ABTB3: variants seen among roughly 807,000 people sequenced by gnomAD.
ABTB3 encodes ankyrin repeat- and BTB/POZ domain-containing protein 3.
the ABTB3 span, among the ~76,000 whole-genome samples, chr12:107,424,949 C>T: frequency 2.6e-5 from 4 of 152,196 alleles, no homozygotes; most frequent in Non-Finnish European, 4.4e-5. Flanking sequence ...CTGCCTTGGC[C>T]CTGTCCCTCC....
At chr12:107,627,283 T>G in the ABTB3 span, among the ~76,000 whole-genome samples, 1 of 152,176 alleles carries the variant, frequency 6.6e-6, no homozygotes, top group Non-Finnish European at 1.5e-5. Flanking sequence ...TGGCCTCCTT[T>G]TTCTCTATGG....
At chr12:107,319,159 G>C in the ABTB3 span, 1 of 1,601,492 alleles carries the variant, frequency 6.2e-7, no homozygotes, top group Non-Finnish European at 8.5e-7. Context: ...ACACTGCCCT[G>C]GTGGAAGACT....
chr12:107,503,756 C>CAGAAAAAAAAA, the ABTB3 span, among the ~76,000 whole-genome samples: 1 of 70,768 alleles, frequency 1.4e-5, no homozygotes, highest in Non-Finnish European at 2.5e-5. Flanking sequence ...GACCCTATCT[C>CAGAAAAAAAAA]AAAAAAAAAA....
chr12:107,511,810 G>T, the ABTB3 span, among the ~76,000 whole-genome samples: 1 of 152,082 alleles, frequency 6.6e-6, no homozygotes, highest in Admixed American at 6.5e-5. Flanking sequence ...AACAGATAAG[G>T]AATCAGAGAC....
the ABTB3 span, among the ~76,000 whole-genome samples, chr12:107,643,015 C>T: frequency 6.6e-5 from 10 of 152,292 alleles, no homozygotes; most frequent in African/African-American, 2.4e-4. Context: ...ATTTCTACAG[C>T]TCCAAGACCC....
the ABTB3 span, among the ~76,000 whole-genome samples, chr12:107,529,321 T>C: frequency 6.6e-6 from 1 of 151,114 alleles, no homozygotes; most frequent in Non-Finnish European, 1.5e-5. Context: ...ATGGAGATGA[T>C]GGTGATGGCG....
the ABTB3 span, among the ~76,000 whole-genome samples, chr12:107,467,121 G>A: frequency 6.6e-6 from 1 of 152,040 alleles, no homozygotes; most frequent in African/African-American, 2.4e-5. Context: ...CTCAATAAAC[G>A]GGAGCTGTCC....
the ABTB3 span, among the ~76,000 whole-genome samples, chr12:107,506,033 C>G: frequency 1.3e-5 from 2 of 152,114 alleles, no homozygotes; most frequent in African/African-American, 4.8e-5. Flanking sequence ...GATTTCTATT[C>G]GTTTGGGTAT....
chr12:107,332,265 C>T, the ABTB3 span, among the ~76,000 whole-genome samples: 35 of 152,258 alleles, frequency 2.3e-4, no homozygotes, highest in African/African-American at 8.4e-4. Context: ...TCTAATGAGG[C>T]GATGCTTTGG....
chr12:107,624,708 A>G, the ABTB3 span, among the ~76,000 whole-genome samples: 2 of 152,134 alleles, frequency 1.3e-5, no homozygotes, highest in African/African-American at 4.8e-5. Flanking sequence ...GAATAGATGT[A>G]CCCCAGTTTG....
chr12:107,391,409 T>C, the ABTB3 span, among the ~76,000 whole-genome samples: 1 of 152,140 alleles, frequency 6.6e-6, no homozygotes, highest in Non-Finnish European at 1.5e-5. Context: ...GGGGGTCTTT[T>C]TGGGGAGAGA....
the ABTB3 span, among the ~76,000 whole-genome samples, chr12:107,352,219 C>T: frequency 9.2e-5 from 14 of 151,832 alleles, no homozygotes; most frequent in Non-Finnish European, 1.3e-4. Context: ...TGGGGTCAGG[C>T]GAGGCTCTGG....
chr12:107,651,566 C>A, the ABTB3 span: 1 of 689,418 alleles, frequency 1.5e-6, no homozygotes, highest in Non-Finnish European at 2.6e-6. Context: ...ACCTGTGACA[C>A]TGCTGTGGAA....
At chr12:107,595,247 C>T in the ABTB3 span, among the ~76,000 whole-genome samples, 1 of 152,184 alleles carries the variant, frequency 6.6e-6, no homozygotes, top group South Asian at 2.1e-4. Context: ...TGTGCAATCT[C>T]TTTCAGCACT....
At chr12:107,459,232 G>A in the ABTB3 span, among the ~76,000 whole-genome samples, 1 of 152,170 alleles carries the variant, frequency 6.6e-6, no homozygotes, top group East Asian at 1.9e-4. Context: ...AAAGCCACAT[G>A]CTAGTCAGTG....
chr12:107,650,753 C>A, the ABTB3 span: 1 of 152,174 alleles, frequency 6.6e-6, no homozygotes, highest in African/African-American at 2.4e-5. Flanking sequence ...TGGTCTCGAA[C>A]TCCTGACCTC....
At chr12:107,447,126 A>T in the ABTB3 span, among the ~76,000 whole-genome samples, 8 of 152,056 alleles carry the variant, frequency 5.3e-5, no homozygotes, top group Non-Finnish European at 1.2e-4. Flanking sequence ...AAACAGGCGG[A>T]GGCCATGAGG....
chr12:107,340,669 TCG>T, the ABTB3 span, among the ~76,000 whole-genome samples: 929 of 151,936 alleles, frequency 6.1e-3, 9 homozygotes, highest in African/African-American at 0.021. Flanking sequence ...CCTTGGAGAA[TCG>T]ATTAAGTGGC....
the ABTB3 span, among the ~76,000 whole-genome samples, chr12:107,486,276 T>C: frequency 6.6e-6 from 1 of 152,190 alleles, no homozygotes; most frequent in African/African-American, 2.4e-5. Context: ...GATAAACCTA[T>C]ATTTGTGTTC....
Sources: allele counts gnomAD v4.1 joint callset (sites outside exome capture counted in the v4.1 genomes callset), GRCh38; gene constraint gnomAD v4.1.1; transcripts MANE v1.5; gene names NCBI Gene and HGNC (gene_info 2026-07-23, HGNC 2026-07-21).